Variants in KDR observed in about 807,000 individuals in gnomAD.
KDR encodes the protein kinase insert domain receptor.
KDR carries 43 observed loss-of-function variants against 160.9 expected under a neutral mutation model. That is an observed-to-expected ratio of 0.27 (90% confidence interval 0.21 to 0.34). The LOEUF is 0.34. KDR is among the 10% of genes least tolerant of loss of function. The probability of loss-of-function intolerance (pLI) is 1.00; values close to 1 mark genes in which losing one functional copy is unlikely to be tolerated. For missense variants in KDR, 1,469 were observed against 1,666.4 expected, an observed-to-expected ratio of 0.88 and a Z score of 2.06; for synonymous variants, 617 against 600.1, an observed-to-expected ratio of 1.03 and a Z score of -0.41.
intron 13 of KDR, among the ~76,000 whole-genome samples, chr4:55,103,276 T>A (rs991961737): frequency 3.9e-5 from 6 of 152,202 alleles, no homozygotes; most frequent in African/African-American, 1.2e-4. Context: ...TGGAAATATC[T>A]TGTCCCAACC....
chr4:55,113,772 T>C (rs1720657646), intron 6 of KDR, among the ~76,000 whole-genome samples: 2 of 152,206 alleles, frequency 1.3e-5, no homozygotes, highest in Non-Finnish European at 2.9e-5. Flanking sequence ...GTGTATCTCA[T>C]GCCACCTCTT....
At chr4:55,105,408 T>C (rs1383265524) in intron 12 of KDR, among the ~76,000 whole-genome samples, 1 of 152,146 alleles carries the variant, frequency 6.6e-6, no homozygotes, top group Non-Finnish European at 1.5e-5. Context: ...TCCATAAAAC[T>C]AAGATGCACA....
In KDR at chr4:55,102,454, C is replaced by A. The variant is rs762437152; in HGVS notation, c.2042G>T (p.Gly681Val). The A allele has an allele frequency of 6.2e-7, 1 of 1,613,614 alleles. No homozygotes were observed. Among genetic ancestry groups the A allele is most frequent in the African/African-American group, 1.3e-5 (1 of 74,874 alleles). Residue 681 changes from glycine to valine, a missense_variant, in exon 14 of 30, where the codon GGG becomes GTG. Transcript: ENST00000263923. ...CGTGCATGAGACTTCGATGCTTTCC[C>A]CAATACTTGTCGTCTGATTCTCCAG... is the stretch of plus-strand genomic sequence containing the variant. ...GNLENQTTSI[G>V]ESIEVSCTAS... is the part of the protein sequence containing the mutation.
At position 55,089,446 on chromosome 4, in the gene KDR, A is replaced by G; in HGVS notation, c.3332T>C (p.Ile1111Thr). ...LGASPYPGVK[I>T]DEEFCRRLKE... ...CAATCGCCTACAAAATTCTTCATCA[A>G]TCTTTACCCCAGGATATGGAGAAGC... Residue 1111 changes from isoleucine (I) to threonine (T), a missense_variant, in exon 25 of 30, where the codon ATT becomes ACT. Ile to Thr is a moderately conservative substitution (Grantham distance 89, BLOSUM62 -1). Around this residue, in one of 7 missense-constraint regions of KDR, gnomAD observed 132 missense variants for 195.9 expected, o/e 0.67. Transcript: ENST00000263923. 3 of 1,613,016 alleles carry G rather than the reference A, an allele frequency of 1.9e-6. No individual in the cohort carries two copies. The highest frequency in any genetic ancestry group is 2.5e-6 in the Non-Finnish European group (3 of 1,179,242).
chr4:55,111,925 T>A (rs1177116418), intron 7 of KDR, among the ~76,000 whole-genome samples: 1 of 152,240 alleles, frequency 6.6e-6, no homozygotes, highest in African/African-American at 2.4e-5. Context: ...TTGCCACTTT[T>A]ATGATTACAA....
chr4:55,087,817 A>G, intron 26 of KDR, 59 bp from the exon 27 acceptor site: 1 of 1,563,048 alleles, frequency 6.4e-7, no homozygotes, highest in Middle Eastern at 1.8e-4. Flanking sequence ...GTGCCTTTTC[A>G]TTAAAAACAA....
At chr4:55,109,033 C>T (rs772711002) in intron 9 of KDR, among the ~76,000 whole-genome samples, 2 of 152,012 alleles carry the variant, frequency 1.3e-5, no homozygotes, top group Non-Finnish European at 2.9e-5. Context: ...CCAGTTTCTC[C>T]TCTCCCCAGT....
chr4:55,080,273 C>G, intron 29 of KDR, 110 bp from the exon 30 acceptor site: 2 of 890,872 alleles, frequency 2.2e-6, no homozygotes, highest in Non-Finnish European at 3.6e-6. Context: ...CTGGAGACCG[C>G]AGCCCCGTAT....
rs575803378 is a variant in KDR, at chr4:55,113,363, G to A, written c.917C>T (p.Thr306Ile). ...CATCAGCCCACTGGATGCTGCACAG[G>A]TGTACAATCCTTGGTCACTCCGGGT... ...GVTRSDQGLY[T>I]CAASSGLMTK... The change falls in exon 7 of 30, where the codon ACC becomes ATC. Residue 306 changes from threonine to isoleucine, a missense_variant. Thr to Ile is a moderately conservative substitution (Grantham distance 89). Transcript: ENST00000263923. The A allele has an allele frequency of 3.7e-6, 6 of 1,614,048 alleles. No individual in the cohort carries two copies. Among genetic ancestry groups the A allele is most frequent in the Non-Finnish European group, 5.1e-6 (6 of 1,179,978 alleles).
At chr4:55,102,943 G>T (rs981017838) in intron 13 of KDR, among the ~76,000 whole-genome samples, 1 of 152,074 alleles carries the variant, frequency 6.6e-6, no homozygotes, top group East Asian at 1.9e-4. Flanking sequence ...TATAAAACTT[G>T]TTTACACAAT....
intron 29 of KDR, 149 bp from the exon 30 acceptor site, chr4:55,080,312 G>T (rs772640402): frequency 1.4e-6 from 1 of 726,628 alleles, no homozygotes; most frequent in Non-Finnish European, 2.4e-6. Flanking sequence ...AGCATAGCAG[G>T]TTTACAGGGA....
intron 3 of KDR, among the ~76,000 whole-genome samples, chr4:55,117,540 G>A (rs1720765275): frequency 6.6e-6 from 1 of 152,142 alleles, no homozygotes; most frequent in Admixed American, 6.5e-5. Context: ...AGTGGCATAG[G>A]TTATTTTGAT....
rs771413759 is a variant in KDR, at chr4:55,088,893, T to G, written c.3485A>C (p.Asn1162Thr). The change falls in exon 26 of 30, where the codon AAT (asparagine) becomes ACT (threonine). Residue 1162 changes from asparagine (N) to threonine (T), a missense_variant. Physicochemically the swap from Asn to Thr is moderately conservative, Grantham distance 65 (BLOSUM62 0). This residue lies in a region of KDR where 132 missense variants were observed against 195.9 expected (regional missense o/e 0.67). Transcript: ENST00000263923. ...TFSELVEHLG[N>T]LLQANAQQDG... is the part of the protein sequence containing the mutation. ...CTGCTGAGCATTAGCTTGCAAGAGA[T>G]TTCCCAAATGTTCCACCAACTCTGA... 9.3e-6 allele frequency: 15 copies of G among 1,614,030 alleles called. No homozygotes were observed. The highest frequency in any genetic ancestry group is 1.3e-5 in the Non-Finnish European group (15 of 1,179,904).
Position 55,101,905 on chromosome 4 carries a change from A to G in KDR, c.2258T>C (p.Ile753Thr), listed in dbSNP as rs774241378. Reference sequence around the variant, plus strand: ...TTTTTTATCCCACTGACCTTCTATTATGAAAAATGCCTCCACTTTTGCACA... The same window carrying G: ...TTTTTTATCCCACTGACCTTCTATTGTGAAAAATGCCTCCACTTTTGCACA... ...LGCAKVEAFF[I>T]IEGAQEKTNL... Residue 753 changes from isoleucine (I) to threonine (T), a missense_variant, in exon 15 of 30, where the codon ATA becomes ACA. Physicochemically the swap from Ile to Thr is moderately conservative, Grantham distance 89. Transcript: ENST00000263923. 15 of 1,613,032 alleles carry G rather than the reference A, an allele frequency of 9.3e-6. No homozygotes were observed. Among genetic ancestry groups the G allele is most frequent in the Non-Finnish European group, 1.2e-5 (14 of 1,179,572 alleles).
chr4:55,122,026 T>C (rs899828506), intron 1 of KDR, among the ~76,000 whole-genome samples: 2 of 152,196 alleles, frequency 1.3e-5, no homozygotes, highest in Non-Finnish European at 2.9e-5. Flanking sequence ...TTACCCTTTT[T>C]TAAAAACGTA....
At chr4:55,086,977 T>G (rs938593060) in intron 27 of KDR, among the ~76,000 whole-genome samples, 3 of 152,218 alleles carry the variant, frequency 2.0e-5, no homozygotes, top group Non-Finnish European at 2.9e-5. Context: ...AACTCTTTCC[T>G]TATGCACAGG....
intron 15 of KDR, among the ~76,000 whole-genome samples, chr4:55,101,509 T>C (rs1293889778): frequency 6.6e-6 from 1 of 152,056 alleles, no homozygotes; most frequent in Non-Finnish European, 1.5e-5. Flanking sequence ...TTTTTTTCTT[T>C]TAAGTTCCGG....
intron 1 of KDR, among the ~76,000 whole-genome samples, chr4:55,124,323 T>C (rs757952698): frequency 2.6e-5 from 4 of 151,288 alleles, no homozygotes; most frequent in Non-Finnish European, 4.4e-5. Context: ...ATCTAAGGGG[T>C]TGAGAGAGAA....
chr4:55,086,489 T>C (rs76139904), intron 27 of KDR, among the ~76,000 whole-genome samples: 356 of 152,262 alleles, frequency 2.3e-3, no homozygotes, highest in African/African-American at 8.2e-3. Flanking sequence ...CCTCAGGTAA[T>C]AGAACTGAGC....
Sources: allele counts gnomAD v4.1 joint callset (sites outside exome capture counted in the v4.1 genomes callset), GRCh38; gene constraint gnomAD v4.1.1; regional missense constraint gnomAD v4.1.1; transcripts MANE v1.5; gene names NCBI Gene and HGNC (gene_info 2026-07-23, HGNC 2026-07-21).